Variants in FAM184A observed in about 807,000 individuals in gnomAD.
The protein encoded by FAM184A is family with sequence similarity 184 member A.
FAM184A carries 99 observed loss-of-function variants against 143.8 expected under a neutral mutation model. The observed-to-expected ratio is 0.69, with a 90% CI of 0.58 to 0.81. The LOEUF is 0.81. Among genes scored for constraint, FAM184A ranks in the 40% least tolerant of loss-of-function variants. The pLI, the probability that FAM184A is intolerant of heterozygous loss-of-function variation, is 0.00. For synonymous variants in FAM184A, 427 were observed against 446.4 expected (o/e 0.96, Z 0.55); for missense variants, 1,217 against 1,310.5 (o/e 0.93, Z 1.10).
rs974007967 is a variant in FAM184A, at chr6:118,972,281, C to T, written c.2915+2147G>A. 5.3e-5 allele frequency among the ~76,000 whole-genome samples: 8 copies of T among 152,152 alleles called. No individual in the cohort carries two copies. The East Asian group carries it at 9.6e-4, about 18-fold the overall frequency. On this transcript the variant is annotated intron_variant, in intron 14 of 17. Coordinates refer to ENST00000338891, the MANE Select transcript of FAM184A (RefSeq NM_024581.6). The stretch of plus-strand genomic sequence containing the variant: ...TAAATGAAATTTATAAATTCAGCTC[C>T]TCAGTTATGCTAATCACCGTTCAAG...
At position 119,063,276 on chromosome 6, in the gene FAM184A, A is replaced by G. The variant is rs550853817; in HGVS notation, c.159+14865T>C. ...TGCTGTAAAATTTGTGTTGTTTAAC[A>G]TTTGTTAAATATCTGTGTTTTTCTA... is the stretch of plus-strand genomic sequence containing the variant. On this transcript the variant is annotated intron_variant, in intron 1 of 17. Transcript: ENST00000338891. Among the ~76,000 whole-genome samples the G allele has an allele frequency of 2.8e-3, 430 of 152,338 alleles. 4 individuals carry two copies. Among genetic ancestry groups the G allele is most frequent in the African/African-American group, 0.01 (421 of 41,568 alleles).
At chr6:119,061,165 T>C (rs1787220806) in intron 1 of FAM184A, among the ~76,000 whole-genome samples, 2 of 152,140 alleles carry the variant, frequency 1.3e-5, no homozygotes, top group Non-Finnish European at 2.9e-5. Flanking sequence ...GGGGAAGGTA[T>C]AGGTAAAAGA....
intron 1 of FAM184A, among the ~76,000 whole-genome samples, chr6:119,123,174 G>A (rs554714752): frequency 6.6e-6 from 1 of 151,952 alleles, no homozygotes; most frequent in South Asian, 2.1e-4. Flanking sequence ...GATCACTTGA[G>A]GTCAGAAATT....
At chr6:119,135,196 C>G (rs1207650101) in intron 1 of FAM184A, among the ~76,000 whole-genome samples, 1 of 151,962 alleles carries the variant, frequency 6.6e-6, no homozygotes, top group East Asian at 1.9e-4. Context: ...ACCTAGAAAA[C>G]AATATTAAAC....
At chr6:118,991,269 T>C (rs1340461323) in intron 9 of FAM184A, among the ~76,000 whole-genome samples, 2 of 151,954 alleles carry the variant, frequency 1.3e-5, no homozygotes, top group East Asian at 3.9e-4. Context: ...TTGAAGCAAT[T>C]TTCCTGCCTC....
chr6:119,060,278 CTGT>C (rs1787178980), intron 1 of FAM184A, among the ~76,000 whole-genome samples: 1 of 152,144 alleles, frequency 6.6e-6, no homozygotes, highest in East Asian at 1.9e-4. Context: ...TACAGGGATA[CTGT>C]TTTCTTGCTG....
chr6:118,988,658 G>C (rs1784266427), intron 9 of FAM184A, among the ~76,000 whole-genome samples: 2 of 152,070 alleles, frequency 1.3e-5, no homozygotes, highest in Non-Finnish European at 2.9e-5. Flanking sequence ...TTTTATATTA[G>C]GGGGAAAGGA....
chr6:118,970,006 A>AT lies in FAM184A; in HGVS notation c.2916-3055dup, dbSNP rs1242296300. 3.4e-4 allele frequency among the ~76,000 whole-genome samples: 7 copies of AT among 20,490 alleles called. 1 individual carries two copies. Among genetic ancestry groups the AT allele is most frequent in the African/African-American group, 5.1e-4 (3 of 5,862 alleles). 13.4% of individuals were successfully genotyped at this position (20,490 alleles called of 152,430 possible). ...GTATATATATATAATATATATATAT[A>AT]TATTTTTTTTTTTTTGAGATGGAGT... On this transcript the variant is annotated intron_variant, in intron 14 of 17. Transcript: ENST00000338891.
intron 1 of FAM184A, among the ~76,000 whole-genome samples, chr6:119,067,584 T>C (rs547250767): frequency 1.3e-4 from 20 of 152,228 alleles, no homozygotes; most frequent in Non-Finnish European, 1.8e-4. Context: ...AATGGATCAA[T>C]ATATATTTTA....
intron 1 of FAM184A, among the ~76,000 whole-genome samples, chr6:119,105,595 G>T: frequency 6.6e-6 from 1 of 152,090 alleles, no homozygotes; most frequent in Non-Finnish European, 1.5e-5. Flanking sequence ...GTCTCACGTG[G>T]TTCTTTACAG....
At position 118,964,739 on chromosome 6, in the gene FAM184A, G is replaced by T; in HGVS notation, c.3066C>A (p.Val1022=). 6.2e-7 allele frequency: 1 copy of T among 1,605,318 alleles called. No homozygotes were observed. The highest frequency in any genetic ancestry group is 2.2e-5 in the East Asian group (1 of 44,696). The change falls in exon 16 of 18, where the codon GTC becomes GTA. Residue 1022 remains valine (V), a synonymous_variant. Coordinates refer to ENST00000338891, the MANE Select transcript of FAM184A (RefSeq NM_024581.6). The stretch of plus-strand genomic sequence containing the variant: ...CTTTGTTGAAGTTAGTTTCTCGATT[G>T]ACTAATTCCAGCTGATAAAACTTAT... The part of the protein sequence containing the change: ...EDNKFYQLEL[V]NRETNFNKVF...
chr6:119,025,706 T>G, intron 1 of FAM184A: 4 of 481,670 alleles, frequency 8.3e-6, no homozygotes, highest in South Asian at 6.2e-5. Context: ...ATGACTGTTA[T>G]TTAAGGCTTT....
intron 1 of FAM184A, among the ~76,000 whole-genome samples, chr6:119,096,257 C>G (rs1384098702): frequency 6.6e-6 from 1 of 152,172 alleles, no homozygotes; most frequent in Non-Finnish European, 1.5e-5. Context: ...GGCATGTCTT[C>G]AGGTTATTGA....
At chr6:119,134,331 C>G (rs1227648077) in intron 1 of FAM184A, among the ~76,000 whole-genome samples, 1 of 152,006 alleles carries the variant, frequency 6.6e-6, no homozygotes, top group African/African-American at 2.4e-5. Context: ...TGTGCGGTAC[C>G]AGTTTTCAGT....
intron 1 of FAM184A, among the ~76,000 whole-genome samples, chr6:119,036,499 TAA>T (rs887963959): frequency 2.0e-5 from 3 of 152,084 alleles, no homozygotes; most frequent in Non-Finnish European, 4.4e-5. Flanking sequence ...AAAATATTGA[TAA>T]AGTCTAATAA....
At chr6:118,980,883 T>C (rs948901675) in intron 9 of FAM184A, among the ~76,000 whole-genome samples, 2 of 152,232 alleles carry the variant, frequency 1.3e-5, no homozygotes, top group African/African-American at 4.8e-5. Context: ...ATTCAACAAA[T>C]ATTAGCTAAG....
intron 1 of FAM184A, among the ~76,000 whole-genome samples, chr6:119,075,421 T>C (rs1385817923): frequency 1.3e-5 from 2 of 152,170 alleles, no homozygotes; most frequent in Admixed American, 6.5e-5. Flanking sequence ...CTCTGTAAAA[T>C]AGGTACTATC....
At chr6:118,970,143 A>T (rs1196546843) in intron 14 of FAM184A, among the ~76,000 whole-genome samples, 1 of 148,900 alleles carries the variant, frequency 6.7e-6, no homozygotes, top group African/African-American at 2.5e-5. Flanking sequence ...AGCTGGGATT[A>T]CAAGTGTCTG....
intron 4 of FAM184A, among the ~76,000 whole-genome samples, chr6:119,018,909 T>TG (rs1446475845): frequency 6.6e-6 from 1 of 151,964 alleles, no homozygotes; most frequent in Non-Finnish European, 1.5e-5. Context: ...GTGGTGCTAT[T>TG]GGTTGAAATA....
Sources: allele counts gnomAD v4.1 joint callset (sites outside exome capture counted in the v4.1 genomes callset), GRCh38; gene constraint gnomAD v4.1.1; transcripts MANE v1.5; gene names NCBI Gene and HGNC (gene_info 2026-07-23, HGNC 2026-07-21).